Variants in TNPO1 observed in about 807,000 individuals in gnomAD.
The protein encoded by TNPO1 is transportin-1.
In TNPO1, 8 loss-of-function variants were observed where a neutral mutation model predicts 119.5. That is an observed-to-expected ratio of 0.07 (90% CI 0.04 to 0.12). The LOEUF is 0.12. Among genes scored for constraint, TNPO1 ranks in the 10% least tolerant of loss-of-function variants. The pLI, the probability that TNPO1 is intolerant of heterozygous loss-of-function variation, is 1.00. For missense variants in TNPO1, 576 were observed against 1,089.8 expected, an observed-to-expected ratio of 0.53 and a Z score of 6.64; for synonymous variants, 362 against 363.0, an observed-to-expected ratio of 1.00 and a Z score of 0.03.
At chr5:72,891,576 CAGT>C (rs1486754475) in intron 14 of TNPO1, among the ~76,000 whole-genome samples, 3 of 151,922 alleles carry the variant, frequency 2.0e-5, no homozygotes, top group Non-Finnish European at 4.4e-5. Flanking sequence ...GATAAAAGAT[CAGT>C]AGATCACTAG....
intron 1 of TNPO1, among the ~76,000 whole-genome samples, chr5:72,847,424 G>T (rs1745177873): frequency 6.6e-6 from 1 of 152,116 alleles, no homozygotes; most frequent in African/African-American, 2.4e-5. Flanking sequence ...ACCTATATTC[G>T]TGTCTCAGTC....
intron 1 of TNPO1, among the ~76,000 whole-genome samples, chr5:72,819,759 C>T (rs1048554754): frequency 6.6e-6 from 1 of 152,128 alleles, no homozygotes; most frequent in East Asian, 1.9e-4. Flanking sequence ...TGGAGCCACA[C>T]TATTTGGATT....
intron 1 of TNPO1, among the ~76,000 whole-genome samples, chr5:72,829,266 GT>G (rs1193729112): frequency 6.6e-6 from 1 of 152,214 alleles, no homozygotes; most frequent in Non-Finnish European, 1.5e-5. Context: ...GATGAACACA[GT>G]TTTCTGTTAC....
At chr5:72,824,674 G>A (rs563476261) in intron 1 of TNPO1, among the ~76,000 whole-genome samples, 1 of 152,268 alleles carries the variant, frequency 6.6e-6, no homozygotes, top group East Asian at 1.9e-4. Flanking sequence ...TAATGTTGGA[G>A]AGCCCCAAGT....
chr5:72,856,968 T>G (rs1746048299), intron 4 of TNPO1, among the ~76,000 whole-genome samples: 1 of 152,112 alleles, frequency 6.6e-6, no homozygotes. Flanking sequence ...CTGGAAAGCT[T>G]CTGTTAATCT....
At chr5:72,891,127 G>A (rs1389199530) in intron 14 of TNPO1, among the ~76,000 whole-genome samples, 1 of 151,764 alleles carries the variant, frequency 6.6e-6, no homozygotes, top group Non-Finnish European at 1.5e-5. Context: ...ACAGGTGTGA[G>A]CCACCATGCC....
At chr5:72,894,419 G>A (rs367738804) in intron 18 of TNPO1, among the ~76,000 whole-genome samples, 12 of 152,156 alleles carry the variant, frequency 7.9e-5, no homozygotes, top group Non-Finnish European at 1.5e-4. Flanking sequence ...GACCTGTAAT[G>A]CCAGCACTTT....
intron 4 of TNPO1, among the ~76,000 whole-genome samples, chr5:72,857,563 T>C (rs1362685067): frequency 6.6e-6 from 1 of 152,222 alleles, no homozygotes; most frequent in East Asian, 1.9e-4. Flanking sequence ...TTAAAAAGAA[T>C]GGTGAGCGTG....
intron 1 of TNPO1, among the ~76,000 whole-genome samples, chr5:72,842,920 T>G (rs1275911947): frequency 3.3e-5 from 5 of 152,180 alleles, no homozygotes; most frequent in African/African-American, 1.2e-4. Context: ...TCACTTTTGC[T>G]TTTTGATAAT....
At chr5:72,896,698 C>T (rs1019854081) in intron 19 of TNPO1, 142 bp downstream of exon 19, 15 of 571,806 alleles carry the variant, frequency 2.6e-5, no homozygotes, top group Non-Finnish European at 3.9e-5. Flanking sequence ...GGTGAAACCC[C>T]GTCTCTACTA....
chr5:72,892,000 T>A, intron 15 of TNPO1, 104 bp downstream of exon 15: 1 of 820,682 alleles, frequency 1.2e-6, no homozygotes, highest in Non-Finnish European at 1.9e-6. Context: ...TATTCTGAAG[T>A]AGACGGAGGA....
chr5:72,899,532 C>T (rs546882865), intron 20 of TNPO1, among the ~76,000 whole-genome samples: 28 of 152,160 alleles, frequency 1.8e-4, no homozygotes, highest in Non-Finnish European at 3.4e-4. Flanking sequence ...ATCACTTTCA[C>T]CTGTATTAGT....
chr5:72,883,976 T>C (rs1462405613), intron 11 of TNPO1, among the ~76,000 whole-genome samples: 2 of 151,886 alleles, frequency 1.3e-5, no homozygotes, highest in Non-Finnish European at 2.9e-5. Context: ...TCTTGAACTG[T>C]TGGGCTCAAG....
At chr5:72,821,826 A>C (rs946033375) in intron 1 of TNPO1, among the ~76,000 whole-genome samples, 1 of 152,182 alleles carries the variant, frequency 6.6e-6, no homozygotes. Context: ...TGAGTGTGTC[A>C]GTAAACATAA....
Position 72,900,968 on chromosome 5 carries a change from C to G in TNPO1, c.2415-6C>G, listed in dbSNP as rs374908748. On this transcript the variant is annotated splice_polypyrimidine_tract_variant and splice_region_variant and intron_variant, in intron 21 of 24. Coordinates refer to ENST00000337273, the MANE Select transcript of TNPO1 (RefSeq NM_002270.4). ...AAATGCTAAACTCAATTCTGTAATT[C>G]AATAGGTGCACCTCTCTGAGAAACA... 3.2e-5 allele frequency: 51 copies of G among 1,596,326 alleles called. No homozygotes were observed. The African/African-American group carries it at 6.6e-4, about 21-fold the overall frequency.
At position 72,887,879 on chromosome 5, in the gene TNPO1, T is replaced by C. The variant is rs1051473122; in HGVS notation, c.1304-199T>C. Among the ~76,000 whole-genome samples, 18 of 152,330 alleles carry C rather than the reference T, an allele frequency of 1.2e-4. No homozygotes were observed. The Middle Eastern group carries it at 0.014, about 115-fold the overall frequency. ...GGCAGTAAACATCTATTAGAAGAAA[T>C]TGAAACACTGTAAGATGCTTGGGAG... On this transcript the variant is annotated intron_variant, in intron 12 of 24. Transcript: ENST00000337273.
intron 1 of TNPO1, among the ~76,000 whole-genome samples, chr5:72,831,643 T>C (rs1421099987): frequency 6.6e-6 from 1 of 152,040 alleles, no homozygotes; most frequent in Non-Finnish European, 1.5e-5. Context: ...TTCTGTTCTC[T>C]AATATTCAAG....
At chr5:72,839,429 AACTT>A (rs1476765345) in intron 1 of TNPO1, among the ~76,000 whole-genome samples, 1 of 152,100 alleles carries the variant, frequency 6.6e-6, no homozygotes, top group Non-Finnish European at 1.5e-5. Flanking sequence ...CTTCCCCCAA[AACTT>A]ACTTTTCCCA....
At chr5:72,882,226 A>G (rs916020957) in intron 9 of TNPO1, among the ~76,000 whole-genome samples, 2 of 152,240 alleles carry the variant, frequency 1.3e-5, no homozygotes, top group Non-Finnish European at 2.9e-5. Context: ...GACTTTGAGC[A>G]TGAAAGTTTG....
Sources: allele counts gnomAD v4.1 joint callset (sites outside exome capture counted in the v4.1 genomes callset), GRCh38; gene constraint gnomAD v4.1.1; transcripts MANE v1.5; gene names NCBI Gene and HGNC (gene_info 2026-07-23, HGNC 2026-07-21).